Variants in PIK3C2B observed in about 807,000 individuals in gnomAD.
PIK3C2B encodes the protein phosphatidylinositol 4-phosphate 3-kinase C2 domain-containing subunit beta.
PIK3C2B carries 83 observed loss-of-function variants against 184.3 expected under a neutral mutation model. The ratio of observed to expected loss-of-function variants is 0.45; its 90% CI spans 0.38 to 0.54. The LOEUF (loss-of-function observed/expected upper bound fraction) is 0.54, where lower values mean the gene tolerates loss of function less well. Among genes scored for constraint, PIK3C2B ranks in the 20% least tolerant of loss-of-function variants. The probability of loss-of-function intolerance (pLI) is 0.00; values close to 1 mark genes in which losing one functional copy is unlikely to be tolerated. For synonymous variants in PIK3C2B, 779 were observed against 837.6 expected (o/e 0.93, Z 1.21); for missense variants, 1,736 against 2,113.5 (o/e 0.82, Z 3.50).
rs1655226788 is a variant in PIK3C2B, at chr1:204,460,394, C to T, written c.1432G>A (p.Asp478Asn). ...RSDLARTVND[D>N]QSPSTLNYLV... ...TAGTTCAAGGTGGAGGGGCTCTGGT[C>T]ATCATTCACCTGTATAAGAAGTGAC... is the stretch of plus-strand genomic sequence containing the variant. The change falls in exon 7 of 33, where the codon GAC (aspartate) becomes AAC (asparagine). Residue 478 changes from aspartate (D) to asparagine (N), a missense_variant. Physicochemically the swap from Asp to Asn is conservative, Grantham distance 23. This residue lies in a region of PIK3C2B where 609 missense variants were observed against 699.2 expected (regional missense o/e 0.87). Coordinates refer to ENST00000684373, the MANE Select transcript of PIK3C2B (RefSeq NM_001377334.1). The T allele has an allele frequency of 6.2e-7, 1 of 1,613,398 alleles. No individual in the cohort carries two copies. The highest frequency in any genetic ancestry group is 8.5e-7 in the Non-Finnish European group (1 of 1,179,512).
rs202039980 is a variant in PIK3C2B, at chr1:204,440,331, G to C, written c.3250-10C>G. 1.3e-6 allele frequency: 2 copies of C among 1,574,218 alleles called. No homozygotes were observed. Among genetic ancestry groups the C allele is most frequent in the African/African-American group, 2.7e-5 (2 of 73,544 alleles). ...GAAGGTCGTCCCCACACTGGATGGA[G>C]GGAGAAAGTGACCAGATCTAATCTC... On this transcript the variant is annotated splice_polypyrimidine_tract_variant and intron_variant, in intron 21 of 32. Transcript: ENST00000684373.
In PIK3C2B at chr1:204,455,833, C is replaced by T. The variant is rs779119625; in HGVS notation, c.1943+23G>A. The T allele has an allele frequency of 1.4e-5, 22 of 1,581,416 alleles. No individual in the cohort carries two copies. In the Admixed American group the frequency reaches 2.3e-4, roughly 16 times the overall value. On this transcript the variant is annotated intron_variant, in intron 11 of 32. Transcript: ENST00000684373. ...AGGTCAAACTCAGCTTGCTCCCTAG[C>T]GGCTACTCAGCCCTGGGCTCACCTG... is the stretch of plus-strand genomic sequence containing the variant.
Position 204,447,488 on chromosome 1 carries a change from C to A in PIK3C2B, c.2437G>T (p.Glu813Ter). The A allele has an allele frequency of 6.2e-7, 1 of 1,613,910 alleles. No homozygotes were observed. Among genetic ancestry groups the A allele is most frequent in the Non-Finnish European group, 8.5e-7 (1 of 1,179,990 alleles). Residue 813 changes from glutamate (E) to a stop codon, truncating the protein, a stop_gained, in exon 15 of 33, where the codon GAA becomes TAA. Coordinates refer to ENST00000684373, the MANE Select transcript of PIK3C2B (RefSeq NM_001377334.1). LOFTEE classifies it high-confidence loss of function. This position sits in a 1 kb window ranked among gnomAD's most constrained non-coding sequence, Gnocchi z 4.1. ...TCTTTAAGCTTGCGCTGGTCTTCTT[C>A]CCGGAGGCTGCCAAACTCATAGCGG... Reference protein sequence around the residue: ...SPRYEFGSLREEDQRKLKDIM... With the variant: ...SPRYEFGSLR
Position 204,425,636 on chromosome 1 carries a change from A to C in PIK3C2B, c.4693T>G (p.Cys1565Gly). ...ACCATCTCATTGTAGGTAGGATTGC[A>C]GGTTTTCCGGGCCACTTTGGTTTTC... ...KRKTKVARKTCNPTYNEMLVY... is the reference protein window; with the variant it reads ...KRKTKVARKTGNPTYNEMLVY... Residue 1565 changes from cysteine (C) to glycine (G), a missense_variant, in exon 32 of 33, where the codon TGC becomes GGC. Cys to Gly is a radical substitution (Grantham distance 159). Transcript: ENST00000684373. 6.2e-7 allele frequency: 1 copy of C among 1,614,060 alleles called. No individual in the cohort carries two copies. The highest frequency in any genetic ancestry group is 8.5e-7 in the Non-Finnish European group (1 of 1,180,006).
intron 3 of PIK3C2B, 42 bp downstream of exon 3, chr1:204,465,177 C>T: frequency 1.1e-6 from 1 of 926,078 alleles, no homozygotes; most frequent in South Asian, 1.3e-5. Flanking sequence ...CTCCCCATCC[C>T]CCATAGCCCT....
chr1:204,461,587 G>A lies in PIK3C2B; in HGVS notation c.1311-926C>T, dbSNP rs61761712. On this transcript the variant is annotated intron_variant, in intron 5 of 32. Transcript: ENST00000684373. ...GGGGGCAGTATATGTAAAAGCTGGC[G>A]GAGGTGCAGGGCCCAGGGTCGTCTA... 2.7e-3 allele frequency among the ~76,000 whole-genome samples: 412 copies of A among 152,298 alleles called. 3 individuals are homozygous for A. Among genetic ancestry groups the A allele is most frequent in the African/African-American group, 9.0e-3 (375 of 41,568 alleles).
chr1:204,450,351 T>C (rs1384421858), intron 12 of PIK3C2B, among the ~76,000 whole-genome samples: 1 of 152,180 alleles, frequency 6.6e-6, no homozygotes, highest in African/African-American at 2.4e-5. Context: ...CGTCCCATGT[T>C]GTCAGCCTTG....
intron 26 of PIK3C2B, 74 bp from the exon 27 acceptor site, chr1:204,432,475 G>T: frequency 8.8e-7 from 1 of 1,131,752 alleles, no homozygotes; most frequent in Non-Finnish European, 1.3e-6. Flanking sequence ...GTGTTCCAAG[G>T]AATATTCCTG....
At chr1:204,465,469 C>A (rs1655682314) in intron 2 of PIK3C2B, 150 bp from the exon 3 acceptor site, 2 of 621,134 alleles carry the variant, frequency 3.2e-6, no homozygotes, top group Non-Finnish European at 5.9e-6. Context: ...TATGGGACAT[C>A]CGGGAATACA....
chr1:204,467,168 G>A, intron 2 of PIK3C2B: 1 of 323,270 alleles, frequency 3.1e-6, no homozygotes, highest in Non-Finnish European at 6.1e-6. Flanking sequence ...AGGGGAGGCA[G>A]GAGAGAGAAG....
intron 11 of PIK3C2B, 98 bp from the exon 12 acceptor site, chr1:204,454,889 A>G: frequency 3.7e-6 from 5 of 1,364,550 alleles, no homozygotes; most frequent in Non-Finnish European, 5.0e-6. Flanking sequence ...TCCCCTGGTA[A>G]AACTCTCAGT....
intron 7 of PIK3C2B, 96 bp from the exon 8 acceptor site, chr1:204,460,037 C>A: frequency 1.0e-6 from 1 of 964,268 alleles, no homozygotes; most frequent in Non-Finnish European, 1.6e-6. Context: ...TCAGCTCACA[C>A]TCTGATTTAA....
intron 2 of PIK3C2B, among the ~76,000 whole-genome samples, chr1:204,468,153 C>A (rs189265903): frequency 6.6e-6 from 1 of 152,108 alleles, no homozygotes; most frequent in Admixed American, 6.5e-5. Context: ...AAGGGTTGCA[C>A]GACAATGTGA....
intron 12 of PIK3C2B, among the ~76,000 whole-genome samples, chr1:204,451,687 C>T (rs1238280819): frequency 6.6e-6 from 1 of 152,230 alleles, no homozygotes; most frequent in Non-Finnish European, 1.5e-5. Flanking sequence ...GCTTCACTTG[C>T]ATGATGTGTG....
intron 23 of PIK3C2B, among the ~76,000 whole-genome samples, chr1:204,437,037 G>T (rs1049527328): frequency 6.6e-6 from 1 of 152,142 alleles, no homozygotes; most frequent in Non-Finnish European, 1.5e-5. Flanking sequence ...TGCCCCCACC[G>T]CATGATCTAG....
chr1:204,428,945 C>T (rs61758009), intron 29 of PIK3C2B: 49,537 of 453,210 alleles, frequency 0.11, 3,673 homozygotes, highest in African/African-American at 0.27. Context: ...AAAAACAGGC[C>T]GAGCGCAGTG....
At chr1:204,430,986 A>G (rs1206545462) in intron 28 of PIK3C2B, among the ~76,000 whole-genome samples, 1 of 152,244 alleles carries the variant, frequency 6.6e-6, no homozygotes, top group Non-Finnish European at 1.5e-5. Context: ...TTGCAGTAAA[A>G]TATGTGTAAC....
At chr1:204,467,828 T>G (rs2999481) in intron 2 of PIK3C2B, among the ~76,000 whole-genome samples, 1 of 137,934 alleles carries the variant, frequency 7.2e-6, no homozygotes, top group African/African-American at 2.7e-5. Flanking sequence ...AGTGAGACTC[T>G]GTCTCAAAAA....
intron 1 of PIK3C2B, among the ~76,000 whole-genome samples, chr1:204,481,630 T>C (rs1428144782): frequency 6.6e-6 from 1 of 152,142 alleles, no homozygotes; most frequent in African/African-American, 2.4e-5. Context: ...AAACAGGCCC[T>C]CTCAGCACCA....
Sources: allele counts gnomAD v4.1 joint callset (sites outside exome capture counted in the v4.1 genomes callset), GRCh38; gene constraint gnomAD v4.1.1; regional missense constraint gnomAD v4.1.1; non-coding constraint Gnocchi (gnomAD v3.1); transcripts MANE v1.5; gene names NCBI Gene and HGNC (gene_info 2026-07-23, HGNC 2026-07-21).